Variants in LSM14A observed in about 807,000 individuals in gnomAD.
LSM14A encodes the protein protein LSM14 homolog A.
LSM14A carries 14 observed loss-of-function variants against 52.4 expected under a neutral mutation model. The ratio of observed to expected loss-of-function variants is 0.27; its 90% CI spans 0.18 to 0.42. LSM14A has a LOEUF of 0.42. Ranked by LOEUF, LSM14A falls within the 10% of genes least tolerant of loss-of-function variation. LSM14A has a pLI of 1.00. For missense variants in LSM14A, 417 were observed against 581.8 expected, an observed-to-expected ratio of 0.72 and a Z score of 2.91; for synonymous variants, 185 against 200.3, an observed-to-expected ratio of 0.92 and a Z score of 0.64.
intron 1 of LSM14A, among the ~76,000 whole-genome samples, chr19:34,175,147 A>G (rs542946928): frequency 6.0e-5 from 9 of 149,724 alleles, no homozygotes; most frequent in African/African-American, 2.2e-4. Context: ...TATAGCAGTG[A>G]AAAATTTTTT....
chr19:34,173,863 C>T (rs773891818), intron 1 of LSM14A, among the ~76,000 whole-genome samples: 1 of 152,142 alleles, frequency 6.6e-6, no homozygotes, highest in African/African-American at 2.4e-5. Context: ...TTTTAAAAAT[C>T]GTTAACAGAT....
chr19:34,203,676 G>A (rs535440), intron 3 of LSM14A, among the ~76,000 whole-genome samples: 51,665 of 151,470 alleles, frequency 0.34, 9,208 homozygotes, highest in Non-Finnish European at 0.37. Context: ...GGTGGCGTGC[G>A]CCTGTAATCC....
At chr19:34,203,309 T>C (rs574804596) in intron 3 of LSM14A, among the ~76,000 whole-genome samples, 3 of 147,208 alleles carry the variant, frequency 2.0e-5, no homozygotes, top group South Asian at 2.2e-4. Flanking sequence ...ATTGGCTGAA[T>C]AGACCATCAG....
Position 34,229,106 on chromosome 19 carries a change from T to G in LSM14A, c.*1718T>G, listed in dbSNP as rs1186804633. On this transcript the variant is annotated 3_prime_UTR_variant, in exon 10 of 10. Coordinates refer to ENST00000544216, the MANE Select transcript of LSM14A (RefSeq NM_015578.4). ...CCGGGCCAATTTCAAGAAAGAAAAC[T>G]GTAAATACTAGTTCTACTTGCTCTG... is the stretch of plus-strand genomic sequence containing the variant. 1 of 152,194 alleles carries G rather than the reference T, an allele frequency of 6.6e-6. No homozygotes were observed. The highest frequency in any genetic ancestry group is 2.4e-5 in the African/African-American group (1 of 41,432). 9.4% of individuals were successfully genotyped at this position (152,194 alleles called of 1,614,324 possible).
intron 9 of LSM14A, among the ~76,000 whole-genome samples, chr19:34,226,229 A>G (rs1185110224): frequency 1.3e-5 from 2 of 152,160 alleles, no homozygotes; most frequent in African/African-American, 4.8e-5. Context: ...AGGTTAAGCC[A>G]CCATGGTGGG....
In LSM14A at chr19:34,208,363, TG is replaced by T; in HGVS notation, c.416-564del. On this transcript the variant is annotated intron_variant, in intron 3 of 9. Coordinates refer to ENST00000544216, the MANE Select transcript of LSM14A (RefSeq NM_015578.4). Reference sequence around the variant, plus strand: ...AGAAGAAATTTGATATAACCTAGTATGGCAGAGAATTGGGCCCTTTCTAGGG... The same window carrying T: ...AGAAGAAATTTGATATAACCTAGTATGCAGAGAATTGGGCCCTTTCTAGGG... 3 of 152,384 alleles carry T rather than the reference TG, an allele frequency of 2.0e-5. No individual in the cohort carries two copies. In the South Asian group the frequency reaches 6.2e-4, roughly 32 times the overall value. The allele number at this position is 152,384 out of a possible 1,614,324, so 9.4% of individuals were successfully genotyped here. A position where few individuals can be genotyped will look rare whatever the true frequency, so the allele number is the denominator to read the frequency against.
Position 34,172,773 on chromosome 19 carries a change from A to G in LSM14A, c.121+10A>G. The G allele has an allele frequency of 6.4e-7, 1 of 1,565,728 alleles. No individual in the cohort carries two copies. The highest frequency in any genetic ancestry group is 1.4e-5 in the African/African-American group (1 of 70,748). Reference sequence around the variant, plus strand: ...GTAGCCCTTGCCAAAGGTACGCGGGACCGGGCCTCAGGGTGGGGGCCGAGC... The same window carrying G: ...GTAGCCCTTGCCAAAGGTACGCGGGGCCGGGCCTCAGGGTGGGGGCCGAGC... On this transcript the variant is annotated intron_variant, in intron 1 of 9. Coordinates refer to ENST00000544216, the MANE Select transcript of LSM14A (RefSeq NM_015578.4).
intron 4 of LSM14A, among the ~76,000 whole-genome samples, chr19:34,212,595 T>C (rs2072249955): frequency 6.6e-6 from 1 of 152,228 alleles, no homozygotes; most frequent in Admixed American, 6.5e-5. Flanking sequence ...CAACTAAAAT[T>C]GCTGAATTTC....
chr19:34,200,445 A>T (rs2071211062), intron 3 of LSM14A, among the ~76,000 whole-genome samples: 2 of 152,214 alleles, frequency 1.3e-5, no homozygotes, highest in South Asian at 2.1e-4. Context: ...CTGGTTAATC[A>T]TATGGGAAAG....
chr19:34,194,433 T>C (rs1341873885), intron 1 of LSM14A, 45 bp from the exon 2 acceptor site: 15 of 1,536,020 alleles, frequency 9.8e-6, no homozygotes, highest in Non-Finnish European at 1.2e-5. Context: ...ACTACCTGAA[T>C]GTGATGAGTA....
intron 1 of LSM14A, among the ~76,000 whole-genome samples, chr19:34,180,602 C>A (rs912079355): frequency 1.3e-5 from 2 of 152,212 alleles, no homozygotes; most frequent in African/African-American, 4.8e-5. Context: ...CCAACTCAGT[C>A]AGTCATTCAC....
At chr19:34,226,558 AC>A in intron 9 of LSM14A, 1 of 1,063,376 alleles carries the variant, frequency 9.4e-7, no homozygotes. Flanking sequence ...CTTATGCCAT[AC>A]CATATGTATT....
chr19:34,205,370 C>A (rs2071608334), intron 3 of LSM14A, among the ~76,000 whole-genome samples: 3 of 151,302 alleles, frequency 2.0e-5, no homozygotes, highest in Non-Finnish European at 4.4e-5. Flanking sequence ...CCTGTAATCC[C>A]AGCTACTCAG....
intron 3 of LSM14A, among the ~76,000 whole-genome samples, chr19:34,200,915 A>G (rs2071241561): frequency 6.6e-6 from 1 of 152,184 alleles, no homozygotes; most frequent in South Asian, 2.1e-4. Context: ...TGAGATCATC[A>G]TTATACTTCT....
At chr19:34,175,823 A>G (rs1375102671) in intron 1 of LSM14A, among the ~76,000 whole-genome samples, 2 of 151,994 alleles carry the variant, frequency 1.3e-5, no homozygotes, top group Non-Finnish European at 2.9e-5. Context: ...CTAAAAGATT[A>G]AAGCCAAAAG....
Position 34,192,935 on chromosome 19 carries a change from C to A in LSM14A, c.122-1543C>A, listed in dbSNP as rs1000212360. Among the ~76,000 whole-genome samples, 4 of 151,746 alleles carry A rather than the reference C, an allele frequency of 2.6e-5. No homozygotes were observed. The East Asian group carries it at 7.7e-4, about 29-fold the overall frequency. On this transcript the variant is annotated intron_variant, in intron 1 of 9. Coordinates refer to ENST00000544216, the MANE Select transcript of LSM14A (RefSeq NM_015578.4). ...CAGAGGTTACAGTGAGCCAAGATTG[C>A]GTCACTGCACTCCAGCTGGGGCAAC...
chr19:34,176,644 A>G (rs1458423247), intron 1 of LSM14A, among the ~76,000 whole-genome samples: 1 of 152,240 alleles, frequency 6.6e-6, no homozygotes, highest in Admixed American at 6.5e-5. Context: ...TCCATCATGA[A>G]TATAACACAA....
At chr19:34,226,180 T>C (rs1056378472) in intron 9 of LSM14A, among the ~76,000 whole-genome samples, 6 of 152,090 alleles carry the variant, frequency 3.9e-5, no homozygotes, top group African/African-American at 1.4e-4. Context: ...CTAGCAATAA[T>C]AATGTAACCA....
At chr19:34,211,768 G>A (rs376323232) in intron 4 of LSM14A, among the ~76,000 whole-genome samples, 86 of 151,280 alleles carry the variant, frequency 5.7e-4, no homozygotes, top group African/African-American at 1.9e-3. Context: ...CAGCCTGGGC[G>A]ACAGAACCAA....
Sources: allele counts gnomAD v4.1 joint callset (sites outside exome capture counted in the v4.1 genomes callset), GRCh38; gene constraint gnomAD v4.1.1; transcripts MANE v1.5; gene names NCBI Gene and HGNC (gene_info 2026-07-23, HGNC 2026-07-21).